The following OPCML variants were observed in gnomAD, a reference collection of about 807,000 sequenced individuals.
OPCML encodes the protein opioid-binding protein/cell adhesion molecule.
Under a neutral mutation model 37.8 loss-of-function variants are expected in OPCML, and 13 were observed. The ratio of observed to expected loss-of-function variants is 0.34; its 90% CI spans 0.22 to 0.55. The LOEUF (loss-of-function observed/expected upper bound fraction) is 0.55. Among genes scored for constraint, OPCML ranks in the 20% least tolerant of loss-of-function variants. OPCML has a pLI of 0.91. For missense variants in OPCML, 341 were observed against 435.6 expected (o/e 0.78, Z 1.93); for synonymous variants, 176 against 168.8 (o/e 1.04, Z -0.33).
intron 2 of OPCML, among the ~76,000 whole-genome samples, chr11:132,912,729 T>C (rs1319500339): frequency 1.3e-5 from 2 of 152,208 alleles, no homozygotes; most frequent in African/African-American, 2.4e-5. Context: ...TTGCTTTTTG[T>C]TTTTGTCTTT....
chr11:132,846,106 G>A (rs1164376376), intron 2 of OPCML, among the ~76,000 whole-genome samples: 5 of 152,036 alleles, frequency 3.3e-5, no homozygotes, highest in Non-Finnish European at 5.9e-5. Context: ...TCAAACACTC[G>A]GGGGGAAATT....
intron 1 of OPCML, among the ~76,000 whole-genome samples, chr11:133,104,032 G>A (rs1248512745): frequency 6.6e-6 from 1 of 152,166 alleles, no homozygotes; most frequent in Non-Finnish European, 1.5e-5. Context: ...TCATTCAAGA[G>A]TTACAGGCTG....
At chr11:133,531,350 C>T (rs1948600895) in intron 1 of OPCML, among the ~76,000 whole-genome samples, 1 of 152,152 alleles carries the variant, frequency 6.6e-6, no homozygotes, top group Admixed American at 6.5e-5. Flanking sequence ...TTGTTTTCCC[C>T]AAACAAATAA....
At chr11:132,563,250 C>A (rs1043356771) in intron 3 of OPCML, among the ~76,000 whole-genome samples, 2 of 152,110 alleles carry the variant, frequency 1.3e-5, no homozygotes, top group African/African-American at 4.8e-5. Flanking sequence ...GGAGTTTGAC[C>A]TCAGAGTGTG....
chr11:133,187,661 C>T (rs1468161670), intron 1 of OPCML, among the ~76,000 whole-genome samples: 1 of 152,124 alleles, frequency 6.6e-6, no homozygotes, highest in Non-Finnish European at 1.5e-5. Flanking sequence ...AACAAGAGGG[C>T]ACCCAGCAGC....
intron 1 of OPCML, among the ~76,000 whole-genome samples, chr11:132,989,821 C>T (rs145950589): frequency 1.3e-5 from 2 of 152,162 alleles, no homozygotes; most frequent in Non-Finnish European, 2.9e-5. Context: ...AACTATCAAA[C>T]ATCTCTTACC....
At chr11:132,595,450 AC>A (rs2096491024) in intron 3 of OPCML, among the ~76,000 whole-genome samples, 2 of 152,250 alleles carry the variant, frequency 1.3e-5, no homozygotes, top group South Asian at 4.1e-4. Flanking sequence ...CTGTACCACA[AC>A]ACTTTTACTT....
chr11:133,238,188 G>T (rs757609801), intron 1 of OPCML, among the ~76,000 whole-genome samples: 6 of 152,106 alleles, frequency 3.9e-5, no homozygotes, highest in African/African-American at 1.2e-4. Flanking sequence ...TGACAGTCCC[G>T]GATAGCAGGA....
At chr11:132,616,424 T>A (rs1939024549) in intron 3 of OPCML, among the ~76,000 whole-genome samples, 1 of 152,226 alleles carries the variant, frequency 6.6e-6, no homozygotes, top group African/African-American at 2.4e-5. Context: ...ATACTTCAGA[T>A]TTCTCTTACT....
chr11:132,941,075 T>G (rs1295613171), intron 2 of OPCML, among the ~76,000 whole-genome samples: 2 of 152,156 alleles, frequency 1.3e-5, no homozygotes, highest in Non-Finnish European at 2.9e-5. Flanking sequence ...CTAGAACATG[T>G]AAGTTGTTCT....
chr11:133,465,454 G>A (rs1946953376), intron 1 of OPCML, among the ~76,000 whole-genome samples: 1 of 152,172 alleles, frequency 6.6e-6, no homozygotes, highest in Admixed American at 6.5e-5. Flanking sequence ...CTATCACTAT[G>A]TGTGTAGATG....
intron 4 of OPCML, among the ~76,000 whole-genome samples, chr11:132,514,312 G>A (rs73586947): frequency 0.024 from 3,657 of 152,258 alleles, 138 homozygotes; most frequent in African/African-American, 0.073. Flanking sequence ...CAGCAAGCAT[G>A]GGAGGCTTGA....
intron 3 of OPCML, among the ~76,000 whole-genome samples, chr11:132,596,305 A>G (rs2096492337): frequency 6.6e-6 from 1 of 152,242 alleles, no homozygotes; most frequent in Non-Finnish European, 1.5e-5. Context: ...TTGAACAGAC[A>G]TATGTCTGCC....
intron 1 of OPCML, among the ~76,000 whole-genome samples, chr11:133,229,414 A>G (rs1171907950): frequency 6.6e-6 from 1 of 152,222 alleles, no homozygotes; most frequent in African/African-American, 2.4e-5. Flanking sequence ...AAAACCTGTC[A>G]GTTTGAATAT....
intron 1 of OPCML, among the ~76,000 whole-genome samples, chr11:133,241,555 G>T (rs1940731073): frequency 6.6e-6 from 1 of 152,162 alleles, no homozygotes; most frequent in Non-Finnish European, 1.5e-5. Flanking sequence ...CTTGTTTCCA[G>T]TTATGTAACT....
chr11:133,486,820 CTCTA>C (rs1266953955), intron 1 of OPCML, among the ~76,000 whole-genome samples: 1 of 150,978 alleles, frequency 6.6e-6, no homozygotes, highest in Non-Finnish European at 1.5e-5. Context: ...CTCTCTCTCT[CTCTA>C]TCTCTCGCTC....
At chr11:133,385,504 C>A (rs906851464) in intron 1 of OPCML, among the ~76,000 whole-genome samples, 1 of 152,128 alleles carries the variant, frequency 6.6e-6, no homozygotes, top group African/African-American at 2.4e-5. Context: ...CTCCAGGGCC[C>A]CATTTTCCAG....
intron 2 of OPCML, among the ~76,000 whole-genome samples, chr11:132,913,754 C>T (rs1316655455): frequency 6.6e-6 from 1 of 152,184 alleles, no homozygotes; most frequent in African/African-American, 2.4e-5. Context: ...CAAGAGGGAA[C>T]CATAGGGCAC....
chr11:132,451,468 G>A (rs923655241), intron 4 of OPCML, among the ~76,000 whole-genome samples: 6 of 152,174 alleles, frequency 3.9e-5, no homozygotes, highest in African/African-American at 1.4e-4. Flanking sequence ...CCTGGGATCA[G>A]TCCTTTATGC....
Sources: allele counts gnomAD v4.1 joint callset (sites outside exome capture counted in the v4.1 genomes callset), GRCh38; gene constraint gnomAD v4.1.1; transcripts MANE v1.5; gene names NCBI Gene and HGNC (gene_info 2026-07-23, HGNC 2026-07-21).